The following SMC2 variants were observed in gnomAD, a reference collection of about 807,000 sequenced individuals.
The protein encoded by SMC2 is structural maintenance of chromosomes protein 2.
A neutral mutation model predicts 142.6 loss-of-function variants in SMC2; 41 were observed. The observed-to-expected ratio is 0.29, with a 90% CI of 0.22 to 0.37. The LOEUF is 0.37. SMC2 is among the 10% of genes least tolerant of loss of function. The probability of loss-of-function intolerance (pLI) is 1.00; values close to 1 mark genes in which losing one functional copy is unlikely to be tolerated. For missense variants in SMC2, 1,265 were observed against 1,373.7 expected, an observed-to-expected ratio of 0.92 and a Z score of 1.25; for synonymous variants, 463 against 457.5, an observed-to-expected ratio of 1.01 and a Z score of -0.15.
intron 3 of SMC2, among the ~76,000 whole-genome samples, chr9:104,097,724 T>G (rs1012360214): frequency 6.6e-6 from 1 of 152,166 alleles, no homozygotes; most frequent in Non-Finnish European, 1.5e-5. Context: ...TACATTAATA[T>G]ATGAACTACC....
intron 24 of SMC2, 120 bp from the exon 25 acceptor site, chr9:104,139,019 C>A: frequency 1.8e-6 from 1 of 546,252 alleles, no homozygotes; most frequent in Non-Finnish European, 3.0e-6. Context: ...ATTTAGGTGC[C>A]TCATATAACT....
rs918411367 is a variant in SMC2 at position 104,099,529 on chromosome 9, C to T, written c.442-115C>T. On this transcript the variant is annotated intron_variant, in intron 4 of 24. Transcript: ENST00000374793. ...GAAGAATTATAGAGGAAAGACCCCCCCAAAGATTGGTATATTGAGATACAA... is the reference window on the plus strand; with the variant it reads ...GAAGAATTATAGAGGAAAGACCCCCTCAAAGATTGGTATATTGAGATACAA... 7 of 662,524 alleles carry T rather than the reference C, an allele frequency of 1.1e-5. No homozygotes were observed. In the East Asian group the frequency reaches 1.7e-4, roughly 16 times the overall value. The allele number at this position is 662,524 out of a possible 1,614,324, so 41.0% of individuals were successfully genotyped here.
At chr9:104,100,294 G>C in intron 6 of SMC2, 91 bp downstream of exon 6, 1 of 1,396,942 alleles carries the variant, frequency 7.2e-7, no homozygotes, top group Non-Finnish European at 9.9e-7. Flanking sequence ...TTTTTCCTTG[G>C]TTCAGTTTTC....
intron 18 of SMC2, among the ~76,000 whole-genome samples, chr9:104,125,582 G>A (rs1834178238): frequency 6.6e-6 from 1 of 152,074 alleles, no homozygotes; most frequent in African/African-American, 2.4e-5. Flanking sequence ...CTTCCTTCAA[G>A]AGTGGATGGC....
intron 22 of SMC2, among the ~76,000 whole-genome samples, chr9:104,132,511 T>C (rs1835094702): frequency 6.6e-6 from 1 of 152,240 alleles, no homozygotes; most frequent in African/African-American, 2.4e-5. Context: ...TAGCCTCTCA[T>C]GTGGAAGTTT....
Position 104,125,020 on chromosome 9 carries a change from G to A in SMC2, c.2366G>A (p.Arg789Gln), listed in dbSNP as rs376788348. Residue 789 changes from arginine to glutamine, a missense_variant, in exon 18 of 25, where the codon CGA becomes CAA. Physicochemically the swap from Arg to Gln is conservative, Grantham distance 43. Around this residue, in one of 4 missense-constraint regions of SMC2, gnomAD observed 898 missense variants for 904.2 expected, o/e 0.99. Coordinates refer to ENST00000374793, the MANE Select transcript of SMC2 (RefSeq NM_006444.3). Reference sequence around the variant, plus strand: ...AAAAATGCAGAAGCTGAAAGAGAGCGAGAACTGAAAGATGCTCAGAAAAAA... The same window carrying A: ...AAAAATGCAGAAGCTGAAAGAGAGCAAGAACTGAAAGATGCTCAGAAAAAA... ...KMKNAEAERE[R>Q]ELKDAQKKLD... The A allele has an allele frequency of 1.9e-5, 31 of 1,607,370 alleles. No individual in the cohort carries two copies. The highest frequency in any genetic ancestry group is 6.7e-5 in the East Asian group (3 of 44,696).
chr9:104,105,282 A>G (rs936274940), intron 9 of SMC2, among the ~76,000 whole-genome samples: 3 of 152,082 alleles, frequency 2.0e-5, no homozygotes, highest in Non-Finnish European at 2.9e-5. Context: ...TAGGAGTGAT[A>G]TGTAACGGCA....
At chr9:104,101,116 G>A (rs1831072595) in intron 7 of SMC2, among the ~76,000 whole-genome samples, 1 of 151,956 alleles carries the variant, frequency 6.6e-6, no homozygotes, top group African/African-American at 2.4e-5. Flanking sequence ...TTATTTTTTT[G>A]TAGAGACAGG....
At chr9:104,099,401 G>A (rs1471052463) in intron 4 of SMC2, among the ~76,000 whole-genome samples, 3 of 151,924 alleles carry the variant, frequency 2.0e-5, no homozygotes, top group Admixed American at 6.6e-5. Context: ...TGTTAACTTT[G>A]TATCATTTAA....
chr9:104,106,836 A>G (rs1274213355), intron 9 of SMC2, among the ~76,000 whole-genome samples: 1 of 152,290 alleles, frequency 6.6e-6, no homozygotes, highest in East Asian at 1.9e-4. Context: ...TCACCACTGC[A>G]TGTAGTTTGA....
chr9:104,125,494 C>A (rs1383316471), intron 18 of SMC2, among the ~76,000 whole-genome samples: 1 of 152,054 alleles, frequency 6.6e-6, no homozygotes, highest in East Asian at 1.9e-4. Flanking sequence ...CTCTGAAAAC[C>A]CTGCAATCGA....
chr9:104,118,010 CTT>C (rs1214256030), intron 14 of SMC2, among the ~76,000 whole-genome samples, 159 bp from the exon 15 acceptor site: 1 of 151,730 alleles, frequency 6.6e-6, no homozygotes, highest in Non-Finnish European at 1.5e-5. Flanking sequence ...TTTCCTGAAA[CTT>C]TGAGTTTTAC....
intron 4 of SMC2, 111 bp downstream of exon 4, chr9:104,098,679 C>T: frequency 9.1e-7 from 1 of 1,096,652 alleles, no homozygotes; most frequent in East Asian, 2.5e-5. Flanking sequence ...TTTTTATTTA[C>T]TATTGTGCTG....
Position 104,116,132 on chromosome 9 carries a change from A to G in SMC2, c.1672-68A>G, listed in dbSNP as rs1833083399. On this transcript the variant is annotated intron_variant, in intron 13 of 24. Transcript: ENST00000374793. ...AAACATTCATTTATTATAGACTACT[A>G]AACTTGCATTCTCTCAATTTTCTGT... The G allele has an allele frequency of 2.8e-6, 4 of 1,419,470 alleles. No individual in the cohort carries two copies. The South Asian group carries it at 5.4e-5, about 19-fold the overall frequency. The allele number at this position is 1,419,470 out of a possible 1,614,324, so 87.9% of individuals were successfully genotyped here. A position where few individuals can be genotyped will look rare whatever the true frequency, so the allele number is the denominator to read the frequency against.
chr9:104,091,531 CCTT>C (rs1369330259), upstream of SMC2, among the ~76,000 whole-genome samples: 1 of 152,172 alleles, frequency 6.6e-6, no homozygotes, highest in African/African-American at 2.4e-5. Context: ...GAGTGAGACT[CCTT>C]CTCTGAAAAA....
chr9:104,138,998 A>C, intron 24 of SMC2, 141 bp from the exon 25 acceptor site: 11 of 457,726 alleles, frequency 2.4e-5, no homozygotes, highest in East Asian at 7.8e-5. Context: ...CAATATGGAC[A>C]GCTAGCATTC....
At chr9:104,114,540 C>T in intron 12 of SMC2, 151 bp from the exon 13 acceptor site, 1 of 611,608 alleles carries the variant, frequency 1.6e-6, no homozygotes. Context: ...TCATTTGGGA[C>T]ATTTTAAAAT....
At chr9:104,118,667 A>G (rs1189102102) in intron 15 of SMC2, among the ~76,000 whole-genome samples, 1 of 151,720 alleles carries the variant, frequency 6.6e-6, no homozygotes. Context: ...TAGAATAACA[A>G]ACACTGAATA....
intron 16 of SMC2, among the ~76,000 whole-genome samples, chr9:104,120,661 A>G (rs1314377097): frequency 1.3e-5 from 2 of 152,230 alleles, no homozygotes; most frequent in South Asian, 2.1e-4. Context: ...CTAAAATTTC[A>G]GTGTTTCCTT....
Sources: allele counts gnomAD v4.1 joint callset (sites outside exome capture counted in the v4.1 genomes callset), GRCh38; gene constraint gnomAD v4.1.1; regional missense constraint gnomAD v4.1.1; transcripts MANE v1.5; gene names NCBI Gene and HGNC (gene_info 2026-07-23, HGNC 2026-07-21).